The following CCN6 variants were observed in gnomAD, a reference collection of about 807,000 sequenced individuals.
The protein encoded by CCN6 is cellular communication network factor 6.
CCN6 carries 31 observed loss-of-function variants against 37.4 expected under a neutral mutation model. The ratio of observed to expected loss-of-function variants is 0.83; its 90% confidence interval spans 0.62 to 1.12. The LOEUF (loss-of-function observed/expected upper bound fraction) is 1.12, where lower values mean the gene tolerates loss of function less well. CCN6 is among the 50% of genes most tolerant of loss of function. The pLI, the probability that CCN6 is intolerant of heterozygous loss-of-function variation, is 0.00. For missense variants in CCN6, 369 were observed against 413.8 expected, an observed-to-expected ratio of 0.89 and a Z score of 0.94; for synonymous variants, 137 against 142.1, an observed-to-expected ratio of 0.96 and a Z score of 0.26.
At chr6:112,067,173 C>T in intron 3 of CCN6, 17 of 436,908 alleles carry the variant, frequency 3.9e-5, no homozygotes, top group East Asian at 2.8e-4. Context: ...ATGAAGAAGG[C>T]TTTTTTTTTT....
chr6:112,061,434 T>C, intron 2 of CCN6, 146 bp downstream of exon 2: 1 of 943,912 alleles, frequency 1.1e-6, no homozygotes, highest in Admixed American at 2.0e-5. Context: ...ACTGGCTCCA[T>C]TGTATTGGAT....
chr6:112,064,134 G>A (rs782053027), intron 2 of CCN6, among the ~76,000 whole-genome samples: 29 of 152,076 alleles, frequency 1.9e-4, no homozygotes, highest in African/African-American at 3.6e-4. Context: ...TTGTAGCACC[G>A]GTGCAAATAC....
At chr6:112,067,507 A>G (rs1280131505) in intron 3 of CCN6, among the ~76,000 whole-genome samples, 2 of 152,072 alleles carry the variant, frequency 1.3e-5, no homozygotes, top group Non-Finnish European at 2.9e-5. Context: ...TGACCCATCT[A>G]TTGATCCATC....
rs781986930 is a variant in CCN6 at position 112,069,565 on chromosome 6, G to A, written c.1010G>A (p.Cys337Tyr). The change falls in exon 5 of 5, where the codon TGT becomes TAT. Residue 337 changes from cysteine to tyrosine, a missense_variant. By Grantham distance (194) the Cys-to-Tyr change is radical (BLOSUM62 -2). Coordinates refer to ENST00000368666, the MANE Select transcript of CCN6 (RefSeq NM_198239.2). ...WKMLWITSCVCQRNCREPGDI... is the reference protein window; with the variant it reads ...WKMLWITSCVYQRNCREPGDI... ...ATGCTGTGGATTACATCTTGTGTGT[G>A]TCAGAGAAACTGCAGAGAACCTGGA... The A allele has an allele frequency of 1.7e-5, 27 of 1,613,728 alleles. No individual in the cohort carries two copies. Among genetic ancestry groups the A allele is most frequent in the South Asian group, 2.2e-5 (2 of 91,070 alleles).
chr6:112,057,784 A>G (rs1554312055), intron 1 of CCN6, among the ~76,000 whole-genome samples: 1 of 152,198 alleles, frequency 6.6e-6, no homozygotes. Context: ...CAAGCAATAC[A>G]TTAAAGCTAT....
In CCN6 at chr6:112,069,557, T is replaced by TTG. The variant is rs1776814376; in HGVS notation, c.1010_1011dup (p.Gln338ValfsTer33). 6.2e-7 allele frequency: 1 copy of TTG among 1,613,614 alleles called. No individual in the cohort carries two copies. Among genetic ancestry groups the TTG allele is most frequent in the Non-Finnish European group, 8.5e-7 (1 of 1,179,828 alleles). On this transcript the variant is annotated frameshift_variant, in exon 5 of 5. Transcript: ENST00000368666. LOFTEE classifies it high-confidence loss of function. Reference sequence around the variant, plus strand: ...AATGGAAGATGCTGTGGATTACATCTTGTGTGTGTCAGAGAAACTGCAGAG... The same window carrying TTG: ...AATGGAAGATGCTGTGGATTACATCTTGTGTGTGTGTCAGAGAAACTGCAGAG...
rs989671159 is a variant in CCN6 at position 112,054,225 on chromosome 6, G to A, written c.-133G>A. 428 of 1,193,498 alleles carry A rather than the reference G, an allele frequency of 3.6e-4. 2 individuals carry two copies. The highest frequency in any genetic ancestry group is 4.9e-4 in the Non-Finnish European group (390 of 795,968). 73.9% of individuals were successfully genotyped at this position (1,193,498 alleles called of 1,614,324 possible). Reference sequence around the variant, plus strand: ...TGCAGGCTGAAAGTTGGTAGTGTGGGAGGTAGAGGGTGTGTGTTCTTGTGC... The same window carrying A: ...TGCAGGCTGAAAGTTGGTAGTGTGGAAGGTAGAGGGTGTGTGTTCTTGTGC... On this transcript the variant is annotated 5_prime_UTR_variant, in exon 1 of 5. Coordinates refer to ENST00000368666, the MANE Select transcript of CCN6 (RefSeq NM_198239.2).
chr6:112,069,521 G>C lies in CCN6; in HGVS notation c.966G>C (p.Glu322Asp), dbSNP rs1554314773. The C allele has an allele frequency of 6.2e-7, 1 of 1,613,528 alleles. No homozygotes were observed. Among genetic ancestry groups the C allele is most frequent in the Non-Finnish European group, 8.5e-7 (1 of 1,179,744 alleles). The stretch of plus-strand genomic sequence containing the variant: ...CTATTCAATTTGATTGCCCAAATGA[G>C]GGGTCATTTAAATGGAAGATGCTGT... ...MITIQFDCPN[E>D]GSFKWKMLWI... Residue 322 changes from glutamate to aspartate, a missense_variant, in exon 5 of 5, where the codon GAG becomes GAC. Coordinates refer to ENST00000368666, the MANE Select transcript of CCN6 (RefSeq NM_198239.2).
Position 112,054,409 on chromosome 6 carries a change from A to G in CCN6, c.48+4A>G, listed in dbSNP as rs1395052466. The G allele has an allele frequency of 1.2e-6, 2 of 1,613,200 alleles. No homozygotes were observed. The highest frequency in any genetic ancestry group is 2.7e-5 in the African/African-American group (2 of 74,684). The stretch of plus-strand genomic sequence containing the variant: ...TCTGCTTGCTGGCCTGGCACAGGTA[A>G]GTCCTCTCCCCCGACTCTTTCCCTT... On this transcript the variant is annotated splice_donor_region_variant and intron_variant, in intron 1 of 4. Coordinates refer to ENST00000368666, the MANE Select transcript of CCN6 (RefSeq NM_198239.2).
At chr6:112,065,070 G>C (rs1473989667) in intron 3 of CCN6, 73 bp downstream of exon 3, 2 of 1,604,198 alleles carry the variant, frequency 1.2e-6, no homozygotes, top group Non-Finnish European at 1.7e-6. Flanking sequence ...ACGTATCATA[G>C]GTACTCAGTA....
upstream of CCN6, among the ~76,000 whole-genome samples, chr6:112,053,304 T>G (rs1554311042): frequency 6.6e-6 from 1 of 151,716 alleles, no homozygotes; most frequent in East Asian, 1.9e-4. Context: ...TTAATCTTTT[T>G]TTTTTTTTTG....
intron 1 of CCN6, among the ~76,000 whole-genome samples, chr6:112,057,593 C>T (rs906163427): frequency 6.6e-6 from 1 of 152,170 alleles, no homozygotes; most frequent in Admixed American, 6.5e-5. Context: ...AAAATGATGA[C>T]TTTTGGACTT....
In CCN6 at chr6:112,060,061, G is replaced by A. The variant is rs375942571; in HGVS notation, c.49-930G>A. ...GTGCTTGGAGTCAGAGAACAAGGAC[G>A]CTGGTGTGGCTGGTGTGGAGGCAGC... On this transcript the variant is annotated intron_variant, in intron 1 of 4. Transcript: ENST00000368666. 1.0e-4 allele frequency: 138 copies of A among 1,365,712 alleles called. 3 individuals carry two copies. The East Asian group carries it at 1.7e-3, about 17-fold the overall frequency. 84.6% of individuals were successfully genotyped at this position (1,365,712 alleles called of 1,614,324 possible). A position where few individuals can be genotyped will look rare whatever the true frequency, so the allele number is the denominator to read the frequency against.
In CCN6 at chr6:112,069,675, G is replaced by C; in HGVS notation, c.*55G>C. 1 of 1,600,508 alleles carries C rather than the reference G, an allele frequency of 6.2e-7. No individual in the cohort carries two copies. On this transcript the variant is annotated 3_prime_UTR_variant, in exon 5 of 5. Transcript: ENST00000368666. ...ATCCTGTCATATAATAAAAAAATTAGTGAGTATAAAATGGTGGCAAATCTA... is the reference window on the plus strand; with the variant it reads ...ATCCTGTCATATAATAAAAAAATTACTGAGTATAAAATGGTGGCAAATCTA...
chr6:112,061,011 C>T lies in CCN6; in HGVS notation c.69C>T (p.Gly23=). 1 of 1,614,088 alleles carries T rather than the reference C, an allele frequency of 6.2e-7. No individual in the cohort carries two copies. Among genetic ancestry groups the T allele is most frequent in the Non-Finnish European group, 8.5e-7 (1 of 1,180,014 alleles). Residue 23 remains glycine, a synonymous_variant, in exon 2 of 5, where the codon GGC becomes GGT. Coordinates refer to ENST00000368666, the MANE Select transcript of CCN6 (RefSeq NM_198239.2). ...GLAQFCCRVQ[G]TGPLDTTPEG... Reference sequence around the variant, plus strand: ...TGAAGTTCTGCTGCAGGGTACAGGGCACTGGACCATTAGATACAACACCTG... The same window carrying T: ...TGAAGTTCTGCTGCAGGGTACAGGGTACTGGACCATTAGATACAACACCTG...
At chr6:112,066,905 C>T (rs1159088140) in intron 3 of CCN6, 14 of 1,242,714 alleles carry the variant, frequency 1.1e-5, no homozygotes, top group Middle Eastern at 2.2e-4. Flanking sequence ...TGAACTACAG[C>T]TGTCGGTTTA....
At chr6:112,060,227 G>T in intron 1 of CCN6, 1 of 1,156,284 alleles carries the variant, frequency 8.6e-7, no homozygotes, top group Non-Finnish European at 1.1e-6. Context: ...GATATGAACT[G>T]GCTTATTTTT....
intron 2 of CCN6, among the ~76,000 whole-genome samples, chr6:112,062,101 T>C (rs1554312981): frequency 6.6e-6 from 1 of 152,154 alleles, no homozygotes; most frequent in East Asian, 1.9e-4. Context: ...CTGTATTGTA[T>C]GGTTAAAAAT....
chr6:112,063,056 TAA>T, intron 2 of CCN6, among the ~76,000 whole-genome samples: 1 of 152,352 alleles, frequency 6.6e-6, no homozygotes, highest in African/African-American at 2.4e-5. Flanking sequence ...AAAAATTTAG[TAA>T]AAGAGTGTCA....
Sources: gnomAD v4.1 joint callset for allele counts (sites outside exome capture counted in the v4.1 genomes callset) on GRCh38, gnomAD v4.1.1 for gene constraint, MANE v1.5 for transcripts, NCBI Gene and HGNC (gene_info 2026-07-23, HGNC 2026-07-21) for gene names.